The following MGAM variants were observed in gnomAD, a reference collection of about 807,000 sequenced individuals.
The protein encoded by MGAM is alpha-1,4-glucosidase.
Under a neutral mutation model 358.8 loss-of-function variants are expected in MGAM, and 253 were observed. The ratio of observed to expected loss-of-function variants is 0.71; its 90% CI spans 0.64 to 0.78. The LOEUF is 0.78. Among genes scored for constraint, MGAM ranks in the 30% least tolerant of loss-of-function variants. The probability of loss-of-function intolerance (pLI) is 0.00; values close to 1 mark genes in which losing one functional copy is unlikely to be tolerated. For synonymous variants in MGAM, 1,105 were observed against 1,227.1 expected (o/e 0.90, Z 2.08); for missense variants, 3,080 against 3,432.6 (o/e 0.90, Z 2.57).
intron 2 of MGAM, among the ~76,000 whole-genome samples, chr7:141,987,134 A>G (rs1803745390): frequency 6.6e-6 from 1 of 152,000 alleles, no homozygotes; most frequent in South Asian, 2.1e-4. Context: ...AAGTTAGGAT[A>G]GTGGTGGTGC....
At position 142,065,707 on chromosome 7, in the gene MGAM, T is replaced by C. The variant is rs542157922; in HGVS notation, c.4654-8T>C. 1.9e-6 allele frequency: 3 copies of C among 1,598,832 alleles called. No individual in the cohort carries two copies. The South Asian group carries it at 3.3e-5, about 18-fold the overall frequency. On this transcript the variant is annotated splice_polypyrimidine_tract_variant and splice_region_variant and intron_variant, in intron 39 of 70. Coordinates refer to ENST00000475668, the MANE Select transcript of MGAM (RefSeq NM_001365693.1). ...TCAGCAGGCTCCTTTTATTTCCTCT[T>C]GTTTCAGACGGGAGCAGATATCTGT...
chr7:142,064,282 G>T, intron 36 of MGAM, 102 bp from the exon 37 acceptor site: 1 of 1,502,476 alleles, frequency 6.7e-7, no homozygotes. Context: ...ACACAGGCAG[G>T]ACTGAAGTTA....
At chr7:142,016,679 GC>G (rs1399921258) in intron 3 of MGAM, among the ~76,000 whole-genome samples, 23 of 152,104 alleles carry the variant, frequency 1.5e-4, no homozygotes, top group Non-Finnish European at 7.4e-5. Flanking sequence ...TGCAACCTCT[GC>G]CTCCTGGGTT....
At chr7:141,999,839 G>A (rs1163014034) in intron 1 of MGAM, among the ~76,000 whole-genome samples, 1 of 151,986 alleles carries the variant, frequency 6.6e-6, no homozygotes, top group Admixed American at 6.6e-5. Context: ...TTCTAATTGA[G>A]ATAGGAAGCT....
rs148868708 is a variant in MGAM, at chr7:142,032,184, T to C, written c.1584+391T>C. The stretch of plus-strand genomic sequence containing the variant: ...TTGAACAAATTGATCAGAGCCAAAG[T>C]ACTCAGGTGCATGAACAAACTATGC... On this transcript the variant is annotated intron_variant, in intron 13 of 70. Transcript: ENST00000475668. 5.4e-3 allele frequency among the ~76,000 whole-genome samples: 816 copies of C among 152,198 alleles called. 8 individuals are homozygous for C. Among genetic ancestry groups the C allele is most frequent in the African/African-American group, 0.019 (775 of 41,538 alleles).
chr7:142,078,946 A>G lies in MGAM; in HGVS notation c.5785A>G (p.Thr1929Ala), dbSNP rs762062762. 1 of 1,555,850 alleles carries G rather than the reference A, an allele frequency of 6.4e-7. No individual in the cohort carries two copies. Among genetic ancestry groups the G allele is most frequent in the Non-Finnish European group, 8.8e-7 (1 of 1,132,382 alleles). Reference protein sequence around the residue: ...SSVHANAFPSTPVNPLRLDVT... With the variant: ...SSVHANAFPSAPVNPLRLDVT... Reference sequence around the variant, plus strand: ...TGTTCATGCCAATGCCTTCCCTTCCACACCCGTGAACCCCCTTCGCCTGGA... The same window carrying G: ...TGTTCATGCCAATGCCTTCCCTTCCGCACCCGTGAACCCCCTTCGCCTGGA... The change falls in exon 49 of 71, where the codon ACA becomes GCA. Residue 1929 changes from threonine to alanine, a missense_variant. Transcript: ENST00000475668.
intron 30 of MGAM, among the ~76,000 whole-genome samples, chr7:142,057,708 C>T (rs1170527446): frequency 2.0e-5 from 3 of 151,990 alleles, no homozygotes; most frequent in Non-Finnish European, 4.4e-5. Context: ...CAACAACAGA[C>T]ACTTACATAC....
At chr7:142,041,792 C>T (rs1808590173) in intron 21 of MGAM, among the ~76,000 whole-genome samples, 1 of 143,708 alleles carries the variant, frequency 7.0e-6, no homozygotes, top group Non-Finnish European at 1.5e-5. Flanking sequence ...CTTTACATTT[C>T]AGCAGCAAGA....
intron 53 of MGAM, among the ~76,000 whole-genome samples, chr7:142,083,945 T>G (rs1563208175): frequency 7.0e-6 from 1 of 143,366 alleles, no homozygotes; most frequent in East Asian, 2.1e-4. Flanking sequence ...GTGTGAAGAA[T>G]ATGGTGGTGG....
chr7:142,009,845 G>A (rs1554453813), intron 3 of MGAM, among the ~76,000 whole-genome samples: 1 of 152,128 alleles, frequency 6.6e-6, no homozygotes, highest in Non-Finnish European at 1.5e-5. Flanking sequence ...GATCCAGATT[G>A]TTGTTGAGAG....
intron 21 of MGAM, among the ~76,000 whole-genome samples, chr7:142,042,961 A>C (rs1236792992): frequency 1.7e-5 from 1 of 59,144 alleles, no homozygotes. Context: ...ATATACATAT[A>C]ATATCTAAAT....
chr7:142,093,552 T>G lies in MGAM; in HGVS notation c.7172+2T>G. On this transcript the variant is annotated splice_donor_variant, in intron 60 of 70. Transcript: ENST00000475668. LOFTEE classifies it high-confidence loss of function. ...GTCCCAGACCAGACCCACATACGAG[T>G]GAGTCTCTGTCTCCCTTCTCCAGCT... is the stretch of plus-strand genomic sequence containing the variant. 6.7e-7 allele frequency: 1 copy of G among 1,497,498 alleles called. No individual in the cohort carries two copies. The highest frequency in any genetic ancestry group is 1.2e-5 in the South Asian group (1 of 82,454). The allele number at this position is 1,497,498 out of a possible 1,614,324, so 92.8% of individuals were successfully genotyped here.
At chr7:141,987,162 G>C (rs1442864298) in intron 2 of MGAM, among the ~76,000 whole-genome samples, 3 of 152,196 alleles carry the variant, frequency 2.0e-5, no homozygotes, top group Non-Finnish European at 4.4e-5. Flanking sequence ...GGTGGTGGTA[G>C]TCATAGGCAT....
At chr7:142,070,155 T>C (rs4305809) in intron 43 of MGAM, among the ~76,000 whole-genome samples, 8,185 of 141,020 alleles carry the variant, frequency 0.058, 887 homozygotes, top group African/African-American at 0.12. Flanking sequence ...ATTGTGCCAC[T>C]GCACTCCAGC....
intron 16 of MGAM, 90 bp downstream of exon 16, chr7:142,034,931 T>A: frequency 7.9e-7 from 1 of 1,260,096 alleles, no homozygotes; most frequent in Non-Finnish European, 1.1e-6. Context: ...TCCCCTCTCC[T>A]GCCTGCCATG....
intron 68 of MGAM, among the ~76,000 whole-genome samples, chr7:142,101,831 C>A (rs1451428180): frequency 6.6e-6 from 1 of 151,548 alleles, no homozygotes; most frequent in African/African-American, 2.4e-5. Context: ...TTGCTTGTAC[C>A]CGGGAGGCGG....
intron 3 of MGAM, among the ~76,000 whole-genome samples, chr7:142,012,818 T>C (rs1554454778): frequency 6.6e-6 from 1 of 151,956 alleles, no homozygotes; most frequent in Non-Finnish European, 1.5e-5. Context: ...TTGGTGAAAA[T>C]GGTGGTAAGA....
chr7:141,998,982 C>G (rs1458277782), intron 1 of MGAM, among the ~76,000 whole-genome samples: 8 of 152,070 alleles, frequency 5.3e-5, no homozygotes, highest in African/African-American at 1.9e-4. Flanking sequence ...CCTCATTTAC[C>G]CCCCACTTTT....
chr7:142,072,133 A>C (rs10238608), intron 44 of MGAM, among the ~76,000 whole-genome samples: 50,322 of 144,954 alleles, frequency 0.35, 13,535 homozygotes, highest in Middle Eastern at 0.5. Flanking sequence ...TGAAAATCTC[A>C]ACTGGTTGCT....
Sources: allele counts gnomAD v4.1 joint callset (sites outside exome capture counted in the v4.1 genomes callset), GRCh38; gene constraint gnomAD v4.1.1; transcripts MANE v1.5; gene names NCBI Gene and HGNC (gene_info 2026-07-23, HGNC 2026-07-21).